JAKMIP2: variants seen among roughly 807,000 people sequenced by gnomAD.
The protein encoded by JAKMIP2 is janus kinase and microtubule interacting protein 2.
JAKMIP2 carries 25 observed loss-of-function variants against 115.0 expected under a neutral mutation model. That is an observed-to-expected ratio of 0.22 (90% CI 0.16 to 0.30). JAKMIP2 has a LOEUF of 0.30. Among genes scored for constraint, JAKMIP2 ranks in the 10% least tolerant of loss-of-function variants. The probability of loss-of-function intolerance (pLI) is 1.00; values close to 1 mark genes in which losing one functional copy is unlikely to be tolerated. For missense variants in JAKMIP2, 642 were observed against 957.6 expected, an observed-to-expected ratio of 0.67 and a Z score of 4.35; for synonymous variants, 334 against 343.6, an observed-to-expected ratio of 0.97 and a Z score of 0.31.
intron 1 of JAKMIP2, among the ~76,000 whole-genome samples, chr5:147,778,263 C>CT (rs1390432848): frequency 6.6e-6 from 1 of 151,948 alleles, no homozygotes; most frequent in Non-Finnish European, 1.5e-5. Flanking sequence ...CTCTAAAATG[C>CT]TTTTTGTGTG....
intron 19 of JAKMIP2, among the ~76,000 whole-genome samples, chr5:147,615,382 G>T (rs1192787857): frequency 1.3e-5 from 2 of 152,140 alleles, no homozygotes; most frequent in Non-Finnish European, 2.9e-5. Flanking sequence ...TGCAACAAGG[G>T]CTTAGAGGTG....
intron 1 of JAKMIP2, among the ~76,000 whole-genome samples, chr5:147,676,756 T>G (rs948635322): frequency 6.6e-6 from 1 of 152,230 alleles, no homozygotes; most frequent in Non-Finnish European, 1.5e-5. Flanking sequence ...TTAGAAAGTT[T>G]TGCATTTTGA....
At chr5:147,669,759 C>T (rs960329046) in intron 2 of JAKMIP2, among the ~76,000 whole-genome samples, 2 of 152,146 alleles carry the variant, frequency 1.3e-5, no homozygotes, top group Non-Finnish European at 2.9e-5. Flanking sequence ...AATCTTACAG[C>T]GAGTGTTTGT....
chr5:147,608,357 G>T (rs2126613010), intron 20 of JAKMIP2, among the ~76,000 whole-genome samples: 1 of 152,298 alleles, frequency 6.6e-6, no homozygotes, highest in African/African-American at 2.4e-5. Context: ...GTGTCCCAGA[G>T]ATTCTGTTAT....
chr5:147,680,009 A>C (rs1400655750), intron 1 of JAKMIP2, among the ~76,000 whole-genome samples: 1 of 152,240 alleles, frequency 6.6e-6, no homozygotes, highest in Non-Finnish European at 1.5e-5. Flanking sequence ...GGTTTTGAAT[A>C]AAATTTCCTA....
chr5:147,631,724 T>A (rs897326718), intron 13 of JAKMIP2, among the ~76,000 whole-genome samples: 2 of 152,190 alleles, frequency 1.3e-5, no homozygotes, highest in Admixed American at 1.3e-4. Flanking sequence ...GATGGTGTCA[T>A]CCATTCTTCC....
At chr5:147,673,515 G>A (rs1192287536) in intron 1 of JAKMIP2, among the ~76,000 whole-genome samples, 5 of 152,114 alleles carry the variant, frequency 3.3e-5, no homozygotes, top group Non-Finnish European at 7.4e-5. Flanking sequence ...TGTGTCCCTG[G>A]GGGAAGGGGG....
intron 1 of JAKMIP2, among the ~76,000 whole-genome samples, chr5:147,721,640 G>C (rs935486145): frequency 1.3e-5 from 2 of 152,136 alleles, no homozygotes; most frequent in African/African-American, 4.8e-5. Flanking sequence ...CCCTTTCTTT[G>C]ACTCGGAAAG....
At chr5:147,735,740 C>A (rs1411074008) in intron 1 of JAKMIP2, among the ~76,000 whole-genome samples, 1 of 152,172 alleles carries the variant, frequency 6.6e-6, no homozygotes, top group African/African-American at 2.4e-5. Context: ...AGCCTTCTTT[C>A]ATAATTGGCC....
chr5:147,609,251 A>T (rs914597028), intron 20 of JAKMIP2, among the ~76,000 whole-genome samples: 1 of 152,128 alleles, frequency 6.6e-6, no homozygotes, highest in African/African-American at 2.4e-5. Flanking sequence ...CCATTAGTTG[A>T]TGCAGTTTCT....
At chr5:147,742,574 G>T (rs1183546274) in intron 1 of JAKMIP2, among the ~76,000 whole-genome samples, 1 of 152,148 alleles carries the variant, frequency 6.6e-6, no homozygotes, top group Non-Finnish European at 1.5e-5. Context: ...AAGGCTAGCA[G>T]GTGACAAGTG....
chr5:147,608,122 C>G (rs978708616), intron 20 of JAKMIP2, among the ~76,000 whole-genome samples: 2 of 152,008 alleles, frequency 1.3e-5, no homozygotes, highest in East Asian at 3.9e-4. Flanking sequence ...TTCAAAAAAC[C>G]AGCTCCTGGA....
At chr5:147,668,809 C>T (rs1201019716) in intron 2 of JAKMIP2, among the ~76,000 whole-genome samples, 1 of 152,200 alleles carries the variant, frequency 6.6e-6, no homozygotes, top group African/African-American at 2.4e-5. Context: ...ATAACCTTCT[C>T]CAGGCCAGTC....
chr5:147,715,912 T>C (rs1415268569), intron 1 of JAKMIP2, among the ~76,000 whole-genome samples: 2 of 148,592 alleles, frequency 1.3e-5, no homozygotes. Flanking sequence ...GTTACATATG[T>C]ATACATGTGC....
rs550171350 is a variant in JAKMIP2 at position 147,590,453 on chromosome 5, T to C, written c.*1254A>G. ...GAAAATGACCTTGTCAGTAACATAA[T>C]GTTATTTCCATATAAAAAAGTAGAG... On this transcript the variant is annotated 3_prime_UTR_variant, in exon 22 of 22. Transcript: ENST00000616793. The C allele has an allele frequency of 6.6e-6, 1 of 152,342 alleles. No homozygotes were observed. The highest frequency in any genetic ancestry group is 2.1e-4 in the South Asian group (1 of 4,830). The allele number at this position is 152,342 out of a possible 1,614,324, so 9.4% of individuals were successfully genotyped here. A position where few individuals can be genotyped will look rare whatever the true frequency, so the allele number is the denominator to read the frequency against.
chr5:147,600,523 G>A (rs1755641634), intron 21 of JAKMIP2, among the ~76,000 whole-genome samples: 1 of 152,042 alleles, frequency 6.6e-6, no homozygotes, highest in African/African-American at 2.4e-5. Context: ...AAGATCTCAG[G>A]CTAATATAAT....
At chr5:147,691,506 T>C (rs1469448017) in intron 1 of JAKMIP2, among the ~76,000 whole-genome samples, 1 of 152,240 alleles carries the variant, frequency 6.6e-6, no homozygotes, top group African/African-American at 2.4e-5. Flanking sequence ...GCAGACGCTA[T>C]ACTCACCTCA....
At chr5:147,704,024 C>T (rs1752475688) in intron 1 of JAKMIP2, among the ~76,000 whole-genome samples, 1 of 152,058 alleles carries the variant, frequency 6.6e-6, no homozygotes. Flanking sequence ...CTTCCATCTC[C>T]ACAGCCTGTC....
At chr5:147,684,233 G>A (rs1760462085) in intron 1 of JAKMIP2, among the ~76,000 whole-genome samples, 1 of 133,566 alleles carries the variant, frequency 7.5e-6, no homozygotes, top group Non-Finnish European at 1.6e-5. Context: ...AGGCATTGTG[G>A]TAGAGTTAAA....
Sources: gnomAD v4.1 joint callset for allele counts (sites outside exome capture counted in the v4.1 genomes callset) on GRCh38, gnomAD v4.1.1 for gene constraint, MANE v1.5 for transcripts, NCBI Gene and HGNC (gene_info 2026-07-23, HGNC 2026-07-21) for gene names.